The following ACOT13 variants were observed in gnomAD, a reference collection of about 807,000 sequenced individuals.
ACOT13 encodes acyl-CoA thioesterase 13.
Under a neutral mutation model 11.8 loss-of-function variants are expected in ACOT13, and 10 were observed. That is an observed-to-expected ratio of 0.85 (90% CI 0.53 to 1.44). The LOEUF (loss-of-function observed/expected upper bound fraction) is 1.44, where lower values mean the gene tolerates loss of function less well. Among genes scored for constraint, ACOT13 ranks in the 40% most tolerant of loss-of-function variants. ACOT13 has a pLI of 0.00. For missense variants in ACOT13, 172 were observed against 174.1 expected (o/e 0.99, Z 0.07); for synonymous variants, 53 against 61.0 (o/e 0.87, Z 0.61).
At chr6:24,670,336 G>C (rs1778339912) in intron 1 of ACOT13, among the ~76,000 whole-genome samples, 1 of 152,190 alleles carries the variant, frequency 6.6e-6, no homozygotes, top group Non-Finnish European at 1.5e-5. Context: ...AAATACCTAT[G>C]AGTAGGGTGA....
At chr6:24,691,583 G>T (rs145609916) in intron 1 of ACOT13, among the ~76,000 whole-genome samples, 282 of 152,050 alleles carry the variant, frequency 1.9e-3, no homozygotes, top group African/African-American at 6.5e-3. Flanking sequence ...CTTTTTTTAA[G>T]AATTCAATTT....
chr6:24,698,643 T>G (rs887420314), intron 2 of ACOT13, among the ~76,000 whole-genome samples: 3 of 111,654 alleles, frequency 2.7e-5, no homozygotes, highest in East Asian at 7.5e-4. Context: ...ATTGCTGGGG[T>G]TTTTTTTTTT....
chr6:24,677,734 T>C (rs1020293703), intron 1 of ACOT13, among the ~76,000 whole-genome samples: 5 of 152,204 alleles, frequency 3.3e-5, no homozygotes, highest in African/African-American at 1.2e-4. Context: ...TGAGTTTCCT[T>C]AGTGTGTATA....
At chr6:24,681,509 TCTA>T (rs1239267280) in intron 1 of ACOT13, among the ~76,000 whole-genome samples, 7 of 99,372 alleles carry the variant, frequency 7.0e-5, no homozygotes, top group Admixed American at 1.0e-4. Context: ...TTTTTTTTAT[TCTA>T]TCTTTTTCTT....
intron 1 of ACOT13, among the ~76,000 whole-genome samples, chr6:24,691,684 G>T (rs1164647477): frequency 6.6e-6 from 1 of 152,156 alleles, no homozygotes; most frequent in Non-Finnish European, 1.5e-5. Context: ...GAGTGTTCCA[G>T]GAAGGGGAAC....
At chr6:24,668,736 G>C (rs1778307429) in intron 1 of ACOT13, among the ~76,000 whole-genome samples, 1 of 152,240 alleles carries the variant, frequency 6.6e-6, no homozygotes, top group Non-Finnish European at 1.5e-5. Context: ...CGAAGACGTG[G>C]CGTGCAATCA....
chr6:24,687,653 G>C (rs1778653361), intron 1 of ACOT13: 1 of 1,514,744 alleles, frequency 6.6e-7, no homozygotes, highest in South Asian at 1.3e-5. Context: ...ACAGGCTTGA[G>C]AGAAAGAAAG....
In ACOT13 at chr6:24,674,125, G is replaced by A. The variant is rs145109427; in HGVS notation, c.81+6781G>A. On this transcript the variant is annotated intron_variant, in intron 1 of 2. Transcript: ENST00000230048. Reference sequence around the variant, plus strand: ...CACCCAGGCTGGAAGGCAATGGCCCGATCTTGGCTCACTGCAACCTCCACC... The same window carrying A: ...CACCCAGGCTGGAAGGCAATGGCCCAATCTTGGCTCACTGCAACCTCCACC... Among the ~76,000 whole-genome samples, 782 of 152,092 alleles carry A rather than the reference G, an allele frequency of 5.1e-3. 19 individuals carry two copies. Among genetic ancestry groups the A allele is most frequent in the East Asian group, 0.034 (175 of 5,176 alleles).
At chr6:24,686,045 A>G (rs201002701) in intron 1 of ACOT13, among the ~76,000 whole-genome samples, 2 of 135,886 alleles carry the variant, frequency 1.5e-5, no homozygotes, top group South Asian at 4.4e-4. Context: ...TAAAAAAAGG[A>G]AAAAAAAAAA....
intron 1 of ACOT13, among the ~76,000 whole-genome samples, chr6:24,692,196 A>T (rs1252106546): frequency 6.6e-6 from 1 of 152,062 alleles, no homozygotes; most frequent in Non-Finnish European, 1.5e-5. Context: ...AACCAGGAGG[A>T]GGTGGTGTCA....
At chr6:24,681,209 A>G (rs1582437761) in intron 1 of ACOT13, among the ~76,000 whole-genome samples, 1 of 152,176 alleles carries the variant, frequency 6.6e-6, no homozygotes, top group Non-Finnish European at 1.5e-5. Context: ...GAATAATGTA[A>G]CTGGTGAGGT....
At position 24,685,492 on chromosome 6, in the gene ACOT13, G is replaced by A. The variant is rs376785556; in HGVS notation, c.82-12391G>A. Among the ~76,000 whole-genome samples, 33 of 151,744 alleles carry A rather than the reference G, an allele frequency of 2.2e-4. No individual in the cohort carries two copies. In the South Asian group the frequency reaches 5.0e-3, roughly 23 times the overall value. ...CTCCCGAGTAGCTGGGACTACAGGC[G>A]CCTGCCACCACGCCCGGCTAATTTT... On this transcript the variant is annotated intron_variant, in intron 1 of 2. Transcript: ENST00000230048.
chr6:24,668,034 G>C (rs1708181392), intron 1 of ACOT13, among the ~76,000 whole-genome samples: 3 of 151,792 alleles, frequency 2.0e-5, no homozygotes, highest in South Asian at 4.2e-4. Flanking sequence ...TCAGCCTCCC[G>C]AGTGGCTGGG....
intron 1 of ACOT13, among the ~76,000 whole-genome samples, chr6:24,685,332 CT>C (rs563020332): frequency 1.0e-4 from 12 of 116,746 alleles, no homozygotes; most frequent in South Asian, 2.9e-4. Flanking sequence ...TTTTACTGTA[CT>C]TTTTTTTTTT....
rs1211532434 is a variant in ACOT13 at position 24,702,546 on chromosome 6, CATG to C, written c.*932_*934del. 6.6e-6 allele frequency: 1 copy of C among 152,184 alleles called. No homozygotes were observed. Among genetic ancestry groups the C allele is most frequent in the Non-Finnish European group, 1.5e-5 (1 of 68,040 alleles). The allele number at this position is 152,184 out of a possible 1,614,324, so 9.4% of individuals were successfully genotyped here. ...TTAACATACAAATTTAGGGGAAACA[CATG>C]GAGACCACAGCAATGGCCAATCCTT... On this transcript the variant is annotated 3_prime_UTR_variant, in exon 3 of 3. Transcript: ENST00000230048.
chr6:24,701,901 T>G lies in ACOT13; in HGVS notation c.*286T>G, dbSNP rs181048278. Reference sequence around the variant, plus strand: ...CTAGCAGGACCACTCTCAGTTAAGATTAAAACTAAAGTCCAGTGTTAAGCT... The same window carrying G: ...CTAGCAGGACCACTCTCAGTTAAGAGTAAAACTAAAGTCCAGTGTTAAGCT... On this transcript the variant is annotated 3_prime_UTR_variant, in exon 3 of 3. Transcript: ENST00000230048. 121 of 276,452 alleles carry G rather than the reference T, an allele frequency of 4.4e-4. No homozygotes were observed. The highest frequency in any genetic ancestry group is 2.5e-3 in the South Asian group (33 of 13,228). 17.1% of individuals were successfully genotyped at this position (276,452 alleles called of 1,614,324 possible).
At chr6:24,679,700 A>G (rs2328847) in intron 1 of ACOT13, among the ~76,000 whole-genome samples, 17,215 of 152,202 alleles carry the variant, frequency 0.11, 2,241 homozygotes, top group East Asian at 0.49. Flanking sequence ...GACCTGACTG[A>G]GATACCAGAG....
Position 24,701,687 on chromosome 6 carries a change from T to C in ACOT13, c.*72T>C. On this transcript the variant is annotated 3_prime_UTR_variant, in exon 3 of 3. Transcript: ENST00000230048. ...ATAGATTTGACTCAAACAATTGTAATTTTTGAAATAAACTAGCAAAACCAG... is the reference window on the plus strand; with the variant it reads ...ATAGATTTGACTCAAACAATTGTAACTTTTGAAATAAACTAGCAAAACCAG... The C allele has an allele frequency of 7.0e-6, 10 of 1,431,950 alleles. No homozygotes were observed. The South Asian group carries it at 1.2e-4, about 17-fold the overall frequency. 88.7% of individuals were successfully genotyped at this position (1,431,950 alleles called of 1,614,324 possible). A position where few individuals can be genotyped will look rare whatever the true frequency, so the allele number is the denominator to read the frequency against.
chr6:24,681,122 C>T (rs1778541053), intron 1 of ACOT13, among the ~76,000 whole-genome samples: 1 of 152,220 alleles, frequency 6.6e-6, no homozygotes, highest in South Asian at 2.1e-4. Flanking sequence ...AGTTACATTA[C>T]CCTTTTCTAA....
Sources: allele counts gnomAD v4.1 joint callset (sites outside exome capture counted in the v4.1 genomes callset), GRCh38; gene constraint gnomAD v4.1.1; transcripts MANE v1.5; gene names NCBI Gene and HGNC (gene_info 2026-07-23, HGNC 2026-07-21).